The following CEP85 variants were observed in gnomAD, a reference collection of about 807,000 sequenced individuals.
CEP85 encodes centrosomal protein of 85 kDa.
In CEP85, 58 loss-of-function variants were observed where a neutral mutation model predicts 93.7. The observed-to-expected ratio is 0.62, with a 90% CI of 0.50 to 0.77. The LOEUF is 0.77. Among genes scored for constraint, CEP85 ranks in the 30% least tolerant of loss-of-function variants. CEP85 has a pLI of 0.00. For synonymous variants in CEP85, 314 were observed against 338.6 expected (o/e 0.93, Z 0.80); for missense variants, 868 against 922.0 (o/e 0.94, Z 0.76).
intron 4 of CEP85, 46 bp from the exon 5 acceptor site, chr1:26,257,551 G>A (rs200807749): frequency 4.4e-5 from 71 of 1,609,054 alleles, no homozygotes; most frequent in Middle Eastern, 1.9e-4. Context: ...GTTTTCAGGC[G>A]TGTATGGGTC....
intron 3 of CEP85, among the ~76,000 whole-genome samples, chr1:26,248,855 T>C (rs2089555614): frequency 6.8e-6 from 1 of 147,358 alleles, no homozygotes; most frequent in Admixed American, 6.9e-5. Flanking sequence ...GCCTCCCAAG[T>C]AGCTGGTACT....
chr1:26,239,823 C>G lies in CEP85; in HGVS notation c.40C>G (p.His14Asp). The change falls in exon 2 of 14, where the codon CAC becomes GAC. Residue 14 changes from histidine to aspartate, a missense_variant. His to Asp is a moderately conservative substitution (Grantham distance 81). Coordinates refer to ENST00000451429, the MANE Select transcript of CEP85 (RefSeq NM_001319944.2). ...QEKYPTEGIS[H>D]VTSPSSDVIQ... is the part of the protein sequence containing the mutation. ...GAAATATCCAACTGAGGGGATCTCT[C>G]ACGTCACTTCACCGAGTGAGTAGTC... The G allele has an allele frequency of 6.2e-7, 1 of 1,613,604 alleles. No individual in the cohort carries two copies. Among genetic ancestry groups the G allele is most frequent in the East Asian group, 2.2e-5 (1 of 44,866 alleles).
rs1251074140 is a variant in CEP85 at position 26,277,323 on chromosome 1, G to T, written c.*30G>T. On this transcript the variant is annotated 3_prime_UTR_variant, in exon 14 of 14. Coordinates refer to ENST00000451429, the MANE Select transcript of CEP85 (RefSeq NM_001319944.2). ...TTCTGGGGGATTCCCCCAGGGAGGA[G>T]CTGGGCTGCTGAGAGCCTAGTCCAG... is the stretch of plus-strand genomic sequence containing the variant. 6.3e-6 allele frequency: 10 copies of T among 1,594,372 alleles called. No individual in the cohort carries two copies. The highest frequency in any genetic ancestry group is 1.7e-5 in the Admixed American group (1 of 59,568).
intron 6 of CEP85, 147 bp downstream of exon 6, chr1:26,258,407 C>T: frequency 1.6e-6 from 1 of 636,660 alleles, no homozygotes; most frequent in Non-Finnish European, 2.8e-6. Flanking sequence ...AATTATAAAG[C>T]ACCCTTTATC....
At chr1:26,262,798 A>T (rs1250255619) in intron 7 of CEP85, among the ~76,000 whole-genome samples, 1 of 152,182 alleles carries the variant, frequency 6.6e-6, no homozygotes, top group Non-Finnish European at 1.5e-5. Flanking sequence ...GCTAAAATCT[A>T]GTGAATCTTC....
chr1:26,263,701 C>A (rs532187839), intron 7 of CEP85, among the ~76,000 whole-genome samples: 1 of 151,966 alleles, frequency 6.6e-6, no homozygotes, highest in Non-Finnish European at 1.5e-5. Context: ...GGAAAAAGAT[C>A]AGTAGTTCTG....
intron 7 of CEP85, among the ~76,000 whole-genome samples, chr1:26,260,112 T>C (rs563478068): frequency 6.6e-6 from 1 of 152,344 alleles, no homozygotes; most frequent in African/African-American, 2.4e-5. Context: ...TGAGTACTCA[T>C]ACCAGGTGGC....
In CEP85 at chr1:26,259,604, A is replaced by C; in HGVS notation, c.1156-13A>C. Reference sequence around the variant, plus strand: ...GGTAGAGAACAGTTACATATTGAGAATCTTTCTGGCAGGAATTGCAGCGAG... The same window carrying C: ...GGTAGAGAACAGTTACATATTGAGACTCTTTCTGGCAGGAATTGCAGCGAG... On this transcript the variant is annotated splice_polypyrimidine_tract_variant and intron_variant, in intron 6 of 13. Coordinates refer to ENST00000451429, the MANE Select transcript of CEP85 (RefSeq NM_001319944.2). 1 of 1,599,762 alleles carries C rather than the reference A, an allele frequency of 6.3e-7. No individual in the cohort carries two copies. The highest frequency in any genetic ancestry group is 8.5e-7 in the Non-Finnish European group (1 of 1,172,678).
At chr1:26,241,719 A>T (rs942558867) in intron 2 of CEP85, among the ~76,000 whole-genome samples, 9 of 151,730 alleles carry the variant, frequency 5.9e-5, no homozygotes, top group African/African-American at 2.2e-4. Context: ...ATTGATAAGG[A>T]TGCTACTGAT....
intron 7 of CEP85, among the ~76,000 whole-genome samples, chr1:26,267,570 G>C (rs2089911277): frequency 6.6e-6 from 1 of 152,094 alleles, no homozygotes; most frequent in Non-Finnish European, 1.5e-5. Context: ...CTCAAAAAAA[G>C]GGGGGTGGGA....
chr1:26,271,564 G>A (rs2089976337), intron 10 of CEP85: 1 of 172,310 alleles, frequency 5.8e-6, no homozygotes, highest in Non-Finnish European at 1.2e-5. Context: ...ATGATTCAAA[G>A]AAACCAGGCC....
rs886745116 is a variant in CEP85 at position 26,239,892 on chromosome 1, A to T, written c.55+54A>T. 17 of 1,314,752 alleles carry T rather than the reference A, an allele frequency of 1.3e-5. No individual in the cohort carries two copies. The Admixed American group carries it at 2.4e-4, about 18-fold the overall frequency. 81.4% of individuals were successfully genotyped at this position (1,314,752 alleles called of 1,614,324 possible). A position where few individuals can be genotyped will look rare whatever the true frequency, so the allele number is the denominator to read the frequency against. ...ATTCTGACCTTTGTTCTGTTTTTTC[A>T]TATTCCTTAAGGTAAATATTGAACA... On this transcript the variant is annotated intron_variant, in intron 2 of 13. Transcript: ENST00000451429.
Position 26,239,920 on chromosome 1 carries a change from C to G in CEP85, c.55+82C>G, listed in dbSNP as rs535357948. The G allele has an allele frequency of 2.5e-5, 25 of 1,015,316 alleles. No individual in the cohort carries two copies. The African/African-American group carries it at 3.0e-4, about 12-fold the overall frequency. The allele number at this position is 1,015,316 out of a possible 1,614,324, so 62.9% of individuals were successfully genotyped here. On this transcript the variant is annotated intron_variant, in intron 2 of 13. Coordinates refer to ENST00000451429, the MANE Select transcript of CEP85 (RefSeq NM_001319944.2). ...TTCCTTAAGGTAAATATTGAACAAA[C>G]AAGCATTCACTGAAATGCTGGTGCT... is the stretch of plus-strand genomic sequence containing the variant.
At chr1:26,242,373 C>A (rs777470197) in intron 2 of CEP85, among the ~76,000 whole-genome samples, 1 of 152,170 alleles carries the variant, frequency 6.6e-6, no homozygotes, top group African/African-American at 2.4e-5. Context: ...TAGAATTACA[C>A]CAACTTAGTA....
intron 13 of CEP85, 39 bp from the exon 14 acceptor site, chr1:26,277,097 A>T: frequency 3.1e-6 from 5 of 1,599,864 alleles, no homozygotes; most frequent in Non-Finnish European, 4.3e-6. Flanking sequence ...AAAATGTCTC[A>T]TAACTAACAT....
intron 11 of CEP85, among the ~76,000 whole-genome samples, chr1:26,274,690 G>C (rs2090027867): frequency 6.6e-6 from 1 of 152,146 alleles, no homozygotes; most frequent in Admixed American, 6.5e-5. Context: ...GGCTGGCCAT[G>C]TGGAGGGTGG....
At chr1:26,243,815 T>C (rs1292442357) in intron 2 of CEP85, among the ~76,000 whole-genome samples, 1 of 151,876 alleles carries the variant, frequency 6.6e-6, no homozygotes, top group African/African-American at 2.4e-5. Flanking sequence ...CTGGCCAAGA[T>C]GGTGAAACCG....
intron 7 of CEP85, among the ~76,000 whole-genome samples, chr1:26,266,647 A>G (rs139304548): frequency 8.3e-4 from 126 of 152,310 alleles, no homozygotes; most frequent in African/African-American, 2.8e-3. Context: ...CTTTCTTTGT[A>G]CTGTTATATC....
chr1:26,256,054 T>C (rs2089694936), intron 4 of CEP85, among the ~76,000 whole-genome samples, 189 bp downstream of exon 4: 1 of 152,178 alleles, frequency 6.6e-6, no homozygotes, highest in African/African-American at 2.4e-5. Context: ...AAGCACCAGA[T>C]AGGGTCTCCA....
Sources: allele counts gnomAD v4.1 joint callset (sites outside exome capture counted in the v4.1 genomes callset), GRCh38; gene constraint gnomAD v4.1.1; transcripts MANE v1.5; gene names NCBI Gene and HGNC (gene_info 2026-07-23, HGNC 2026-07-21).